The following DDX19A variants were observed in gnomAD, a reference collection of about 807,000 sequenced individuals.
DDX19A encodes DEAD-box helicase 19A.
In DDX19A, 12 loss-of-function variants were observed where a neutral mutation model predicts 60.6. The ratio of observed to expected loss-of-function variants is 0.20; its 90% CI spans 0.13 to 0.32. The LOEUF (loss-of-function observed/expected upper bound fraction) is 0.32. DDX19A is among the 10% of genes least tolerant of loss of function. The probability of loss-of-function intolerance (pLI) is 1.00; values close to 1 mark genes in which losing one functional copy is unlikely to be tolerated. For missense variants in DDX19A, 337 were observed against 600.6 expected (o/e 0.56, Z 4.59); for synonymous variants, 206 against 218.2 (o/e 0.94, Z 0.49).
At chr16:70,356,596 G>A (rs1964193840) in intron 4 of DDX19A, among the ~76,000 whole-genome samples, 1 of 152,016 alleles carries the variant, frequency 6.6e-6, no homozygotes. Flanking sequence ...GACCTCAGGT[G>A]ATCTGCCTGC....
rs145142990 is a variant in DDX19A, at chr16:70,370,151, C to G, written c.1021-72C>G. 1.1e-4 allele frequency: 168 copies of G among 1,520,640 alleles called. No homozygotes were observed. In the African/African-American group the frequency reaches 2.0e-3, roughly 18 times the overall value. The allele number at this position is 1,520,640 out of a possible 1,614,324, so 94.2% of individuals were successfully genotyped here. A position where few individuals can be genotyped will look rare whatever the true frequency, so the allele number is the denominator to read the frequency against. ...CTTTTTAGATCACCCTGAGTGACAGCAAGACTGTGTCTCAAAAAGAAAAAA... is the reference window on the plus strand; with the variant it reads ...CTTTTTAGATCACCCTGAGTGACAGGAAGACTGTGTCTCAAAAAGAAAAAA... On this transcript the variant is annotated intron_variant, in intron 9 of 11. Coordinates refer to ENST00000302243, the MANE Select transcript of DDX19A (RefSeq NM_018332.5).
rs754002692 is a variant in DDX19A, at chr16:70,366,195, G to C, written c.715G>C (p.Val239Leu). ...TGATCCCAAGAAAATCAAGGTGTTTGTTCTGGATGAGGCTGATGTCATGAT... is the reference window on the plus strand; with the variant it reads ...TGATCCCAAGAAAATCAAGGTGTTTCTTCTGGATGAGGCTGATGTCATGAT... Reference protein sequence around the residue: ...FIDPKKIKVFVLDEADVMIAT... With the variant: ...FIDPKKIKVFLLDEADVMIAT... The change falls in exon 8 of 12, where the codon GTT becomes CTT. Residue 239 changes from valine (V) to leucine (L), a missense_variant. This residue lies in a region of DDX19A where 117 missense variants were observed against 274.3 expected (regional missense o/e 0.43). Transcript: ENST00000302243. The C allele has an allele frequency of 6.2e-7, 1 of 1,614,110 alleles. No homozygotes were observed. The highest frequency in any genetic ancestry group is 1.1e-5 in the South Asian group (1 of 91,080).
intron 8 of DDX19A, 169 bp from the exon 9 acceptor site, chr16:70,366,455 G>A (rs1482808266): frequency 8.1e-7 from 1 of 1,231,046 alleles, no homozygotes; most frequent in Non-Finnish European, 1.1e-6. Context: ...GGAGACCTAG[G>A]GACTCTTCCC....
chr16:70,354,167 C>T (rs1392280552), intron 2 of DDX19A, among the ~76,000 whole-genome samples: 4 of 149,988 alleles, frequency 2.7e-5, no homozygotes, highest in South Asian at 2.1e-4. Flanking sequence ...TTTTTTGAGA[C>T]GGAGCTTTGC....
At chr16:70,371,291 A>G (rs1418118101) in intron 10 of DDX19A, 81 bp from the exon 11 acceptor site, 1 of 1,612,862 alleles carries the variant, frequency 6.2e-7, no homozygotes, top group Non-Finnish European at 8.5e-7. Flanking sequence ...CAAAGTTGGT[A>G]CGCATTGACC....
intron 1 of DDX19A, among the ~76,000 whole-genome samples, chr16:70,348,464 A>G (rs569092398): frequency 3.2e-4 from 49 of 151,986 alleles, no homozygotes; most frequent in African/African-American, 1.0e-3. Context: ...TGTCTCTACT[A>G]AAAATACAAA....
At chr16:70,350,900 C>T (rs1344109445) in intron 2 of DDX19A, among the ~76,000 whole-genome samples, 14 of 148,784 alleles carry the variant, frequency 9.4e-5, no homozygotes, top group South Asian at 4.3e-4. Context: ...TATTTTGAGA[C>T]GGAGTCTCGC....
chr16:70,371,654 G>C, intron 11 of DDX19A, 91 bp downstream of exon 11: 1 of 726,730 alleles, frequency 1.4e-6, no homozygotes, highest in Non-Finnish European at 2.3e-6. Context: ...CCCCAAGAGA[G>C]GCTCTGTCCC....
rs781275692 is a variant in DDX19A at position 70,371,379 on chromosome 16, T to C, written c.1191T>C (p.Asp397=). 2.7e-5 allele frequency: 44 copies of C among 1,613,432 alleles called. 1 individual carries two copies. In the South Asian group the frequency reaches 4.6e-4, roughly 17 times the overall value. ...CAACTCTCCTTCCTGCAGGCATTGA[T>C]GTTGAACAAGTGTCTGTCGTCATCA... ...VTTNVCARGI[D]VEQVSVVINF... The change falls in exon 11 of 12, where the codon GAT becomes GAC. Residue 397 remains aspartate, a synonymous_variant. Transcript: ENST00000302243.
In DDX19A at chr16:70,350,564, A is replaced by G; in HGVS notation, c.65A>G (p.Asn22Ser). 3 of 1,611,986 alleles carry G rather than the reference A, an allele frequency of 1.9e-6. No individual in the cohort carries two copies. The highest frequency in any genetic ancestry group is 4.5e-5 in the East Asian group (2 of 44,808). The part of the protein sequence containing the change: ...EQEAAVKSMT[N>S]LQIKEEKVKA... ...TCTTTTATTTCTATTCAGATGACCA[A>G]TTTGCAGATCAAGGAAGAGAAAGTC... Residue 22 changes from asparagine to serine, a missense_variant, in exon 2 of 12, where the codon AAT becomes AGT. This residue lies in a region of DDX19A where 127 missense variants were observed against 160.3 expected (regional missense o/e 0.79). Coordinates refer to ENST00000302243, the MANE Select transcript of DDX19A (RefSeq NM_018332.5).
intron 2 of DDX19A, among the ~76,000 whole-genome samples, chr16:70,352,386 G>A (rs1964043638): frequency 6.6e-6 from 1 of 150,816 alleles, no homozygotes; most frequent in Non-Finnish European, 1.5e-5. Context: ...CCGGGTTCAA[G>A]CGATTCTCCT....
At chr16:70,367,356 A>G (rs1376998508) in intron 9 of DDX19A, among the ~76,000 whole-genome samples, 2 of 149,966 alleles carry the variant, frequency 1.3e-5, no homozygotes, top group Non-Finnish European at 3.0e-5. Context: ...TGAACCCGGG[A>G]GGCAGAGCTT....
At chr16:70,369,273 G>A (rs913307198) in intron 9 of DDX19A, among the ~76,000 whole-genome samples, 1 of 143,456 alleles carries the variant, frequency 7.0e-6, no homozygotes, top group Non-Finnish European at 1.5e-5. Flanking sequence ...TCTGCCTCCC[G>A]GGTTCAAGCG....
At chr16:70,367,012 T>G in intron 9 of DDX19A, 151 bp downstream of exon 9, 1 of 903,252 alleles carries the variant, frequency 1.1e-6, no homozygotes, top group Non-Finnish European at 1.7e-6. Context: ...GTGGGGGTAA[T>G]GGTAGTATCC....
chr16:70,372,100 A>G lies in DDX19A; in HGVS notation c.*114A>G, dbSNP rs1232335798. The G allele has an allele frequency of 1.3e-6, 2 of 1,494,336 alleles. No individual in the cohort carries two copies. The highest frequency in any genetic ancestry group is 3.5e-5 in the Admixed American group (2 of 57,466). 92.6% of individuals were successfully genotyped at this position (1,494,336 alleles called of 1,614,324 possible). Reference sequence around the variant, plus strand: ...AAGGACAACGGCAGAAGTAGAGAGAAACTACCTACCTCACTTCAAATTATG... The same window carrying G: ...AAGGACAACGGCAGAAGTAGAGAGAGACTACCTACCTCACTTCAAATTATG... On this transcript the variant is annotated 3_prime_UTR_variant, in exon 12 of 12. Transcript: ENST00000302243.
At chr16:70,360,280 CAA>C (rs570664065) in intron 4 of DDX19A, among the ~76,000 whole-genome samples, 1 of 141,062 alleles carries the variant, frequency 7.1e-6, no homozygotes, top group African/African-American at 2.6e-5. Context: ...GACTCCATCT[CAA>C]AAAAAAAAAT....
At chr16:70,368,384 T>C (rs928410713) in intron 9 of DDX19A, among the ~76,000 whole-genome samples, 3 of 151,900 alleles carry the variant, frequency 2.0e-5, no homozygotes, top group African/African-American at 7.3e-5. Flanking sequence ...GCAATTCTCC[T>C]GCCCCAGCCT....
At chr16:70,368,593 T>G (rs1387650092) in intron 9 of DDX19A, among the ~76,000 whole-genome samples, 1 of 151,760 alleles carries the variant, frequency 6.6e-6, no homozygotes, top group Non-Finnish European at 1.5e-5. Context: ...CTTTTTTTTT[T>G]TTTTTAGACG....
intron 2 of DDX19A, among the ~76,000 whole-genome samples, chr16:70,351,583 G>A (rs1362402444): frequency 1.3e-5 from 2 of 151,824 alleles, no homozygotes; most frequent in African/African-American, 4.8e-5. Context: ...GGAGTGCAGT[G>A]GTGTGATCTC....
Sources: gnomAD v4.1 joint callset for allele counts (sites outside exome capture counted in the v4.1 genomes callset) on GRCh38, gnomAD v4.1.1 for gene constraint, gnomAD v4.1.1 regional missense constraint, MANE v1.5 for transcripts, NCBI Gene and HGNC (gene_info 2026-07-23, HGNC 2026-07-21) for gene names.